KHDRBS2: variants seen among roughly 807,000 people sequenced by gnomAD.
KHDRBS2 encodes the protein KH RNA binding domain containing, signal transduction associated 2.
In KHDRBS2, 26 loss-of-function variants were observed where a neutral mutation model predicts 44.3. The observed-to-expected ratio is 0.59, with a 90% CI of 0.43 to 0.81. The LOEUF (loss-of-function observed/expected upper bound fraction) is 0.81. Among genes scored for constraint, KHDRBS2 ranks in the 40% least tolerant of loss-of-function variants. The pLI, the probability that KHDRBS2 is intolerant of heterozygous loss-of-function variation, is 0.00. For synonymous variants in KHDRBS2, 194 were observed against 151.1 expected (o/e 1.28, Z -2.08); for missense variants, 476 against 433.1 (o/e 1.10, Z -0.88).
intron 1 of KHDRBS2, among the ~76,000 whole-genome samples, chr6:62,209,252 A>G (rs1286133438): frequency 5.3e-5 from 8 of 152,218 alleles, no homozygotes; most frequent in Admixed American, 2.0e-4. Context: ...ATACTTTTCA[A>G]TATCTCTTTC....
intron 6 of KHDRBS2, among the ~76,000 whole-genome samples, chr6:61,800,633 T>G (rs1284084110): frequency 6.6e-6 from 1 of 152,142 alleles, no homozygotes; most frequent in Non-Finnish European, 1.5e-5. Flanking sequence ...AACAGCTGAA[T>G]CTATGTCCTT....
At chr6:62,145,313 A>C (rs1249862165) in intron 2 of KHDRBS2, among the ~76,000 whole-genome samples, 1 of 151,400 alleles carries the variant, frequency 6.6e-6, no homozygotes, top group East Asian at 1.9e-4. Context: ...GAATTAATAA[A>C]TTTATTTTAT....
In KHDRBS2 at chr6:62,286,135, G is replaced by A. The variant is rs948615914; in HGVS notation, c.-187C>T. 5.3e-6 allele frequency: 3 copies of A among 569,522 alleles called. No individual in the cohort carries two copies. Among genetic ancestry groups the A allele is most frequent in the Non-Finnish European group, 9.2e-6 (3 of 326,314 alleles). 35.3% of individuals were successfully genotyped at this position (569,522 alleles called of 1,614,324 possible). On this transcript the variant is annotated 5_prime_UTR_variant, in exon 1 of 9. Transcript: ENST00000281156. ...CCGCCGTCGGGCTGCGTGGCCCCGCGCCCACACCTGCCCGTCCCTTCCGTC... is the reference window on the plus strand; with the variant it reads ...CCGCCGTCGGGCTGCGTGGCCCCGCACCCACACCTGCCCGTCCCTTCCGTC...
chr6:61,720,758 G>A (rs1772330704), intron 7 of KHDRBS2, among the ~76,000 whole-genome samples: 1 of 151,672 alleles, frequency 6.6e-6, no homozygotes. Context: ...AGTTTCTTTT[G>A]CTGTGCAGAA....
intron 7 of KHDRBS2, among the ~76,000 whole-genome samples, chr6:61,698,198 A>G (rs1367090170): frequency 6.6e-6 from 1 of 152,090 alleles, no homozygotes; most frequent in Non-Finnish European, 1.5e-5. Flanking sequence ...CAAACATTTC[A>G]CTTGCTTCAG....
At chr6:61,687,178 T>G (rs1014709706) in intron 8 of KHDRBS2, among the ~76,000 whole-genome samples, 1 of 151,918 alleles carries the variant, frequency 6.6e-6, no homozygotes, top group African/African-American at 2.4e-5. Flanking sequence ...TTTTCACAGA[T>G]GAACATGGTG....
At chr6:61,752,671 C>CAA (rs56410130) in intron 6 of KHDRBS2, among the ~76,000 whole-genome samples, 40,373 of 109,900 alleles carry the variant, frequency 0.37, 9,191 homozygotes, top group Non-Finnish European at 0.47. Flanking sequence ...TTGTGGTATA[C>CAA]AAAAAAAAAA....
chr6:61,939,389 G>T (rs1466147825), intron 4 of KHDRBS2, among the ~76,000 whole-genome samples: 2 of 151,916 alleles, frequency 1.3e-5, no homozygotes, highest in South Asian at 2.1e-4. Context: ...TATTTTTATG[G>T]TTATTTTTAA....
At chr6:62,205,906 G>A (rs1055209584) in intron 1 of KHDRBS2, among the ~76,000 whole-genome samples, 2 of 152,060 alleles carry the variant, frequency 1.3e-5, no homozygotes, top group African/African-American at 4.8e-5. Context: ...ATTTGGCTTT[G>A]GGAACTTGAG....
the KHDRBS2 span, among the ~76,000 whole-genome samples, chr6:61,580,959 A>G: frequency 1.3e-5 from 2 of 152,218 alleles, no homozygotes; most frequent in Non-Finnish European, 2.9e-5. Context: ...ATAATAAAAA[A>G]TATAATACTA....
At chr6:61,737,435 A>G (rs1439306498) in intron 6 of KHDRBS2, among the ~76,000 whole-genome samples, 4 of 152,152 alleles carry the variant, frequency 2.6e-5, no homozygotes, top group Non-Finnish European at 4.4e-5. Context: ...ATATATATGT[A>G]TGTATGTAAA....
intron 2 of KHDRBS2, among the ~76,000 whole-genome samples, chr6:62,049,983 A>T (rs1196043231): frequency 1.3e-5 from 2 of 152,122 alleles, no homozygotes; most frequent in African/African-American, 4.8e-5. Flanking sequence ...ATAAAGACAC[A>T]TGCACACTTA....
At chr6:62,132,887 A>G (rs896670253) in intron 2 of KHDRBS2, among the ~76,000 whole-genome samples, 3 of 152,160 alleles carry the variant, frequency 2.0e-5, no homozygotes, top group South Asian at 2.1e-4. Context: ...TCAGATCAAC[A>G]TGGCTTGCTT....
At chr6:61,768,444 T>A (rs1454693984) in intron 6 of KHDRBS2, among the ~76,000 whole-genome samples, 3 of 152,188 alleles carry the variant, frequency 2.0e-5, no homozygotes, top group Admixed American at 6.5e-5. Flanking sequence ...ATATACTTAC[T>A]ACACCCATCC....
chr6:61,942,641 G>C (rs1812358987), intron 4 of KHDRBS2, among the ~76,000 whole-genome samples: 1 of 151,994 alleles, frequency 6.6e-6, no homozygotes, highest in African/African-American at 2.4e-5. Flanking sequence ...GAGAACAAAA[G>C]GGAAAGAAAA....
At chr6:61,909,515 C>T (rs1322352046) in intron 4 of KHDRBS2, among the ~76,000 whole-genome samples, 1 of 152,012 alleles carries the variant, frequency 6.6e-6, no homozygotes, top group Non-Finnish European at 1.5e-5. Flanking sequence ...TTACATGTTC[C>T]TTTTGTCCAA....
intron 1 of KHDRBS2, among the ~76,000 whole-genome samples, chr6:62,278,267 T>C (rs1841291790): frequency 6.6e-6 from 1 of 152,202 alleles, no homozygotes; most frequent in East Asian, 1.9e-4. Flanking sequence ...AAAGGAAAGC[T>C]GATGATACTA....
At chr6:61,627,318 G>A in the KHDRBS2 span, among the ~76,000 whole-genome samples, 1 of 150,558 alleles carries the variant, frequency 6.6e-6, no homozygotes, top group Admixed American at 6.6e-5. Flanking sequence ...TCCTTGGGTG[G>A]AAGCCTCCAA....
chr6:62,116,828 T>C (rs948042626), intron 2 of KHDRBS2, among the ~76,000 whole-genome samples: 3 of 152,090 alleles, frequency 2.0e-5, no homozygotes, highest in African/African-American at 4.8e-5. Flanking sequence ...GAGATCAATA[T>C]TTTTTGGCTC....
Sources: allele counts gnomAD v4.1 joint callset (sites outside exome capture counted in the v4.1 genomes callset), GRCh38; gene constraint gnomAD v4.1.1; transcripts MANE v1.5; gene names NCBI Gene and HGNC (gene_info 2026-07-23, HGNC 2026-07-21).